Variants in ZNF775 observed in about 807,000 individuals in gnomAD.
ZNF775 encodes zinc finger protein 775.
A neutral mutation model predicts 2.4 loss-of-function variants in ZNF775; 1 was observed. The observed-to-expected ratio is 0.41, with a 90% CI of 0.15 to 1.94. ZNF775 has a LOEUF of 1.94. Among genes scored for constraint, ZNF775 ranks in the 30% most tolerant of loss-of-function variants. The pLI is 0.30. For synonymous variants in ZNF775, 381 were observed against 373.3 expected, an observed-to-expected ratio of 1.02 and a Z score of -0.24; for missense variants, 823 against 826.6, an observed-to-expected ratio of 1.00 and a Z score of 0.05.
At chr7:150,381,409 C>T (rs1463995421) in intron 1 of ZNF775, among the ~76,000 whole-genome samples, 1 of 152,096 alleles carries the variant, frequency 6.6e-6, no homozygotes, top group East Asian at 1.9e-4. Context: ...TGAAACCAGG[C>T]TGGCTGTTCA....
intron 2 of ZNF775, among the ~76,000 whole-genome samples, chr7:150,395,473 A>C (rs960616974): frequency 2.0e-5 from 3 of 152,226 alleles, no homozygotes; most frequent in Middle Eastern, 3.2e-3. Flanking sequence ...AAATTCTTAT[A>C]AAGCAAACAT....
chr7:150,396,938 C>T lies in ZNF775; in HGVS notation c.457C>T (p.His153Tyr), dbSNP rs757263899. The change falls in exon 3 of 3, where the codon CAC becomes TAC. Residue 153 changes from histidine (H) to tyrosine (Y), a missense_variant. Physicochemically the swap from His to Tyr is moderately conservative, Grantham distance 83. Coordinates refer to ENST00000329630, the MANE Select transcript of ZNF775 (RefSeq NM_173680.4). Reference protein sequence around the residue: ...SFSQKPNLARHQRHHTGERPF... With the variant: ...SFSQKPNLARYQRHHTGERPF... ...CAGCCAGAAGCCGAACCTGGCGCGC[C>T]ACCAGCGGCACCACACGGGCGAGCG... 6.2e-7 allele frequency: 1 copy of T among 1,601,226 alleles called. No individual in the cohort carries two copies. Among genetic ancestry groups the T allele is most frequent in the Admixed American group, 1.7e-5 (1 of 59,964 alleles).
intron 1 of ZNF775, among the ~76,000 whole-genome samples, chr7:150,381,921 G>C (rs531697728): frequency 1.7e-4 from 25 of 151,440 alleles, no homozygotes; most frequent in African/African-American, 5.8e-4. Context: ...TGCTGAGTGG[G>C]ATCCGGGAAG....
chr7:150,390,649 T>C (rs565583686), intron 2 of ZNF775, among the ~76,000 whole-genome samples: 2 of 152,284 alleles, frequency 1.3e-5, no homozygotes, highest in Non-Finnish European at 2.9e-5. Context: ...TCCATTCTTT[T>C]TACTTGATGC....
rs774103870 is a variant in ZNF775, at chr7:150,396,587, C to G, written c.106C>G (p.Leu36Val). 1.2e-6 allele frequency: 2 copies of G among 1,609,608 alleles called. No individual in the cohort carries two copies. The highest frequency in any genetic ancestry group is 2.2e-5 in the South Asian group (2 of 90,256). ...LLQTLAPQAMLVEKDKENIFQ... is the reference protein window; with the variant it reads ...LLQTLAPQAMVVEKDKENIFQ... Reference sequence around the variant, plus strand: ...GCAGACGCTGGCGCCGCAGGCCATGCTTGTGGAGAAGGACAAGGAGAACAT... The same window carrying G: ...GCAGACGCTGGCGCCGCAGGCCATGGTTGTGGAGAAGGACAAGGAGAACAT... The change falls in exon 3 of 3, where the codon CTT (leucine) becomes GTT (valine). Residue 36 changes from leucine to valine, a missense_variant. Leu to Val is a conservative substitution (Grantham distance 32). Transcript: ENST00000329630.
rs59787953 is a variant in ZNF775, at chr7:150,382,252, G to T, written c.-50+2860G>T. Among the ~76,000 whole-genome samples the T allele has an allele frequency of 4.6e-5, 7 of 152,088 alleles. No homozygotes were observed. Among genetic ancestry groups the T allele is most frequent in the Admixed American group, 2.0e-4 (3 of 15,280 alleles). On this transcript the variant is annotated intron_variant, in intron 1 of 2. Transcript: ENST00000329630. This position sits in a 1 kb window ranked among gnomAD's most constrained non-coding sequence, Gnocchi z 4.6. ...TGGCTTAGGAGGAGTGAGTGGCAGC[G>T]GGGACGCTGGCAGAGAGGCTTGTAC...
chr7:150,382,404 C>T lies in ZNF775; in HGVS notation c.-50+3012C>T, dbSNP rs1800381576. Among the ~76,000 whole-genome samples, 1 of 152,238 alleles carries T rather than the reference C, an allele frequency of 6.6e-6. No individual in the cohort carries two copies. The highest frequency in any genetic ancestry group is 6.5e-5 in the Admixed American group (1 of 15,296). ...AGCTCAAAGCGCTGCAATGACTGGC[C>T]AGGGACTAGCAGCGGCTCAGTGGTG... On this transcript the variant is annotated intron_variant, in intron 1 of 2. Coordinates refer to ENST00000329630, the MANE Select transcript of ZNF775 (RefSeq NM_173680.4). The surrounding 1 kb of genome is among the most constrained non-coding windows in gnomAD (Gnocchi z 4.6).
chr7:150,389,098 T>C (rs990718095), intron 2 of ZNF775, among the ~76,000 whole-genome samples: 1 of 152,252 alleles, frequency 6.6e-6, no homozygotes, highest in Non-Finnish European at 1.5e-5. Flanking sequence ...GTGTAGCACT[T>C]GCAGCCCTTC....
At chr7:150,390,242 G>A (rs1472602847) in intron 2 of ZNF775, among the ~76,000 whole-genome samples, 3 of 152,036 alleles carry the variant, frequency 2.0e-5, no homozygotes, top group Non-Finnish European at 2.9e-5. Flanking sequence ...GGGGCTGCTG[G>A]AGCCCCAGCA....
At chr7:150,387,592 T>TC (rs1246923891) in intron 1 of ZNF775, among the ~76,000 whole-genome samples, 1 of 152,012 alleles carries the variant, frequency 6.6e-6, no homozygotes, top group Non-Finnish European at 1.5e-5. Flanking sequence ...GGCGGGCGGA[T>TC]CATGAGGTCA....
At chr7:150,383,007 A>C (rs1800389572) in intron 1 of ZNF775, among the ~76,000 whole-genome samples, 1 of 152,104 alleles carries the variant, frequency 6.6e-6, no homozygotes, top group Non-Finnish European at 1.5e-5. Flanking sequence ...GTGTCTGTGG[A>C]TCTGTAGGTG....
rs1162998196 is a variant in ZNF775, at chr7:150,398,073, G to A, written c.1592G>A (p.Ser531Asn). ...GTGCACCGCGCGGCCCCTGCGTGCA[G>A]CCCCAAGGAGGAGGCGCGCTAGTGG... ...QRVHRAAPAC[S>N]PKEEAR Residue 531 changes from serine (S) to asparagine (N), a missense_variant, in exon 3 of 3, where the codon AGC becomes AAC. By Grantham distance (46) the Ser-to-Asn change is conservative. Coordinates refer to ENST00000329630, the MANE Select transcript of ZNF775 (RefSeq NM_173680.4). 1 of 1,558,270 alleles carries A rather than the reference G, an allele frequency of 6.4e-7. No homozygotes were observed. Among genetic ancestry groups the A allele is most frequent in the South Asian group, 1.2e-5 (1 of 86,486 alleles).
In ZNF775 at chr7:150,396,831, G is replaced by A; in HGVS notation, c.350G>A (p.Ser117Asn). ...FVCLDCGKRF[S>N]WWSSLKIHQR... ...TGCCTGGACTGCGGGAAGAGGTTCAGCTGGTGGTCGTCCCTGAAGATCCAC... is the reference window on the plus strand; with the variant it reads ...TGCCTGGACTGCGGGAAGAGGTTCAACTGGTGGTCGTCCCTGAAGATCCAC... The change falls in exon 3 of 3, where the codon AGC (serine) becomes AAC (asparagine). Residue 117 changes from serine (S) to asparagine (N), a missense_variant. Transcript: ENST00000329630. 6.2e-7 allele frequency: 1 copy of A among 1,601,238 alleles called. No individual in the cohort carries two copies. Among genetic ancestry groups the A allele is most frequent in the Non-Finnish European group, 8.5e-7 (1 of 1,178,332 alleles).
rs377155143 is a variant in ZNF775 at position 150,396,841 on chromosome 7, G to A, written c.360G>A (p.Ser120=). Residue 120 remains serine (S), a synonymous_variant, in exon 3 of 3, where the codon TCG becomes TCA. Transcript: ENST00000329630. ...GCGGGAAGAGGTTCAGCTGGTGGTC[G>A]TCCCTGAAGATCCACCAGCGCACCC... is the stretch of plus-strand genomic sequence containing the variant. The part of the protein sequence containing the change: ...LDCGKRFSWW[S]SLKIHQRTHT... 3 of 1,602,340 alleles carry A rather than the reference G, an allele frequency of 1.9e-6. No individual in the cohort carries two copies. The highest frequency in any genetic ancestry group is 2.7e-5 in the African/African-American group (2 of 74,874).
chr7:150,391,619 A>G (rs1800559731), intron 2 of ZNF775, among the ~76,000 whole-genome samples: 1 of 152,048 alleles, frequency 6.6e-6, no homozygotes, highest in Admixed American at 6.6e-5. Context: ...ATGTGTTTCA[A>G]GAGCTCAGAT....
At chr7:150,386,891 C>T (rs1320303041) in intron 1 of ZNF775, among the ~76,000 whole-genome samples, 1 of 152,182 alleles carries the variant, frequency 6.6e-6, no homozygotes, top group Non-Finnish European at 1.5e-5. Flanking sequence ...CAGCAGCAAG[C>T]ATGAAGAGCT....
Position 150,397,637 on chromosome 7 carries a change from C to A in ZNF775, c.1156C>A (p.Arg386Ser). 1 of 1,321,838 alleles carries A rather than the reference C, an allele frequency of 7.6e-7. No individual in the cohort carries two copies. The allele number at this position is 1,321,838 out of a possible 1,614,324, so 81.9% of individuals were successfully genotyped here. The change falls in exon 3 of 3, where the codon CGC becomes AGC. Residue 386 changes from arginine (R) to serine (S), a missense_variant. Coordinates refer to ENST00000329630, the MANE Select transcript of ZNF775 (RefSeq NM_173680.4). Reference protein sequence around the residue: ...RSRAALRAHQRAHAVAEPAVP... With the variant: ...RSRAALRAHQSAHAVAEPAVP... Reference sequence around the variant, plus strand: ...CCGCGCCGCGCTGCGCGCCCACCAGCGCGCCCACGCTGTCGCTGAGCCCGC... The same window carrying A: ...CCGCGCCGCGCTGCGCGCCCACCAGAGCGCCCACGCTGTCGCTGAGCCCGC...
At chr7:150,379,784 TGATA>T (rs1186998285) in intron 1 of ZNF775, 2 of 152,514 alleles carry the variant, frequency 1.3e-5, no homozygotes, top group Admixed American at 1.3e-4. Flanking sequence ...TTCGCCTCCC[TGATA>T]GATCAGTTTC....
rs573038108 is a variant in ZNF775, at chr7:150,388,056, G to A, written c.-49-366G>A. Among the ~76,000 whole-genome samples, 9 of 152,190 alleles carry A rather than the reference G, an allele frequency of 5.9e-5. No individual in the cohort carries two copies. The South Asian group carries it at 1.9e-3, about 32-fold the overall frequency. On this transcript the variant is annotated intron_variant, in intron 1 of 2. Transcript: ENST00000329630. Reference sequence around the variant, plus strand: ...GTCTCTAACCTTACTCCAGGCTCCTGCTTCTCAGGCGTGGTGTCCATCACA... The same window carrying A: ...GTCTCTAACCTTACTCCAGGCTCCTACTTCTCAGGCGTGGTGTCCATCACA...
Sources: allele counts gnomAD v4.1 joint callset (sites outside exome capture counted in the v4.1 genomes callset), GRCh38; gene constraint gnomAD v4.1.1; non-coding constraint Gnocchi (gnomAD v3.1); transcripts MANE v1.5; gene names NCBI Gene and HGNC (gene_info 2026-07-23, HGNC 2026-07-21).